Variants in ZFPM2 observed in about 807,000 individuals in gnomAD.
ZFPM2 encodes zinc finger protein ZFPM2.
In ZFPM2, 20 loss-of-function variants were observed where a neutral mutation model predicts 98.6. The ratio of observed to expected loss-of-function variants is 0.20; its 90% CI spans 0.14 to 0.29. The LOEUF (loss-of-function observed/expected upper bound fraction) is 0.29, where lower values mean the gene tolerates loss of function less well. Ranked by LOEUF, ZFPM2 falls within the 10% of genes least tolerant of loss-of-function variation. ZFPM2 has a pLI of 1.00. For synonymous variants in ZFPM2, 518 were observed against 502.7 expected (o/e 1.03, Z -0.41); for missense variants, 1,310 against 1,388.6 (o/e 0.94, Z 0.90).
At chr8:105,543,232 T>G (rs1276970297) in intron 3 of ZFPM2, among the ~76,000 whole-genome samples, 1 of 152,186 alleles carries the variant, frequency 6.6e-6, no homozygotes, top group Admixed American at 6.5e-5. Flanking sequence ...ACTCCTGTAA[T>G]CCCAGCATTT....
chr8:105,415,447 G>A (rs559612351), intron 1 of ZFPM2, among the ~76,000 whole-genome samples: 4 of 152,124 alleles, frequency 2.6e-5, no homozygotes, highest in East Asian at 3.9e-4. Flanking sequence ...TCAATCAGAA[G>A]TAATTTTCTC....
intron 3 of ZFPM2, among the ~76,000 whole-genome samples, chr8:105,531,424 T>C (rs1489825113): frequency 6.6e-6 from 1 of 152,158 alleles, no homozygotes; most frequent in East Asian, 1.9e-4. Flanking sequence ...ATTTTTGCGC[T>C]CATTATCACA....
At chr8:105,694,909 A>G (rs1275083015) in intron 5 of ZFPM2, among the ~76,000 whole-genome samples, 4 of 152,166 alleles carry the variant, frequency 2.6e-5, no homozygotes, top group Admixed American at 2.0e-4. Flanking sequence ...AACAATAATG[A>G]CTGTTATTGA....
intron 6 of ZFPM2, chr8:105,798,041 CAG>C (rs1236220178): frequency 2.6e-5 from 4 of 152,194 alleles, no homozygotes; most frequent in Non-Finnish European, 4.4e-5. Flanking sequence ...AAAATGGTGT[CAG>C]GGGTTGACAT....
At chr8:105,651,935 C>G (rs958816502) in intron 5 of ZFPM2, among the ~76,000 whole-genome samples, 3 of 152,076 alleles carry the variant, frequency 2.0e-5, no homozygotes, top group Non-Finnish European at 4.4e-5. Flanking sequence ...TTTTAAAATA[C>G]CAGAGAATCT....
At chr8:105,653,491 T>C (rs1223576613) in intron 5 of ZFPM2, among the ~76,000 whole-genome samples, 12 of 152,212 alleles carry the variant, frequency 7.9e-5, no homozygotes, top group Admixed American at 3.3e-4. Context: ...ACTTAACACA[T>C]AATGTGCCAA....
At chr8:105,660,528 G>T (rs1817367646) in intron 5 of ZFPM2, among the ~76,000 whole-genome samples, 1 of 152,160 alleles carries the variant, frequency 6.6e-6, no homozygotes, top group African/African-American at 2.4e-5. Flanking sequence ...AAATGCCTTT[G>T]ACAACAAGCA....
chr8:105,352,825 A>ATGCC (rs920677380), intron 1 of ZFPM2, among the ~76,000 whole-genome samples: 1 of 151,864 alleles, frequency 6.6e-6, no homozygotes, highest in African/African-American at 2.4e-5. Context: ...CCTTATCTGT[A>ATGCC]TGCCTGCCTG....
chr8:105,575,927 C>T (rs1352810407), intron 4 of ZFPM2, among the ~76,000 whole-genome samples: 2 of 152,064 alleles, frequency 1.3e-5, no homozygotes, highest in East Asian at 3.9e-4. Context: ...CCTAATGTAC[C>T]TTTGTTATTT....
rs1422775579 is a variant in ZFPM2 at position 105,424,052 on chromosome 8, G to A, written c.199+4750G>A. On this transcript the variant is annotated intron_variant, in intron 2 of 7. Coordinates refer to ENST00000407775, the MANE Select transcript of ZFPM2 (RefSeq NM_012082.4). Reference sequence around the variant, plus strand: ...AGACTACACACTGGGAACAGTGTACGCTGCTCAAGTGATGGGTGCACCAAA... The same window carrying A: ...AGACTACACACTGGGAACAGTGTACACTGCTCAAGTGATGGGTGCACCAAA... Among the ~76,000 whole-genome samples the A allele has an allele frequency of 3.9e-5, 6 of 152,102 alleles. No homozygotes were observed. In the East Asian group the frequency reaches 5.8e-4, roughly 15 times the overall value.
intron 4 of ZFPM2, among the ~76,000 whole-genome samples, chr8:105,571,303 G>A (rs1240753957): frequency 6.6e-6 from 1 of 152,166 alleles, no homozygotes; most frequent in Non-Finnish European, 1.5e-5. Flanking sequence ...GGAAGTGGGT[G>A]GATATATAGC....
chr8:105,432,057 G>C (rs1326859544), intron 2 of ZFPM2, among the ~76,000 whole-genome samples: 1 of 152,114 alleles, frequency 6.6e-6, no homozygotes, highest in Non-Finnish European at 1.5e-5. Context: ...CATGCAAGGA[G>C]AGCAATAGAG....
chr8:105,774,148 T>C (rs1356144292), intron 5 of ZFPM2, among the ~76,000 whole-genome samples: 1 of 152,090 alleles, frequency 6.6e-6, no homozygotes, highest in Non-Finnish European at 1.5e-5. Context: ...ATTAGACCCA[T>C]TGTTCCCCAT....
rs569741753 is a variant in ZFPM2 at position 105,704,983 on chromosome 8, A to T, written c.532+70626A>T. ...CTTAGGCAACCTGGTCAAATGGAGGACAAGATGACAGGATCAAATGATCAT... is the reference window on the plus strand; with the variant it reads ...CTTAGGCAACCTGGTCAAATGGAGGTCAAGATGACAGGATCAAATGATCAT... On this transcript the variant is annotated intron_variant, in intron 5 of 7. Transcript: ENST00000407775. 1.1e-4 allele frequency among the ~76,000 whole-genome samples: 17 copies of T among 152,318 alleles called. No individual in the cohort carries two copies. The South Asian group carries it at 3.5e-3, about 32-fold the overall frequency.
chr8:105,801,803 G>C lies in ZFPM2; in HGVS notation c.1721G>C (p.Arg574Pro). Residue 574 changes from arginine (R) to proline (P), a missense_variant, in exon 8 of 8, where the codon CGA becomes CCA. By Grantham distance (103) the Arg-to-Pro change is moderately radical (BLOSUM62 -2). Coordinates refer to ENST00000407775, the MANE Select transcript of ZFPM2 (RefSeq NM_012082.4). ...LVHKKHYCSS[R>P]WQQMAKSPEF... ...CACAAAAAGCATTATTGCAGCAGCC[G>C]ATGGCAGCAGATGGCTAAGTCCCCA... The C allele has an allele frequency of 6.2e-7, 1 of 1,613,936 alleles. No individual in the cohort carries two copies. The highest frequency in any genetic ancestry group is 8.5e-7 in the Non-Finnish European group (1 of 1,179,880).
intron 3 of ZFPM2, among the ~76,000 whole-genome samples, chr8:105,485,295 T>TG (rs1451957735): frequency 1.4e-5 from 2 of 147,294 alleles, no homozygotes; most frequent in African/African-American, 2.7e-5. Context: ...GCTTGTTTTT[T>TG]TTTGTTTGTT....
chr8:105,706,953 T>TAGTGTAG (rs1406154191), intron 5 of ZFPM2, among the ~76,000 whole-genome samples: 1 of 151,554 alleles, frequency 6.6e-6, no homozygotes. Flanking sequence ...GATTAAAAAG[T>TAGTGTAG]ATTTAGGCTG....
intron 3 of ZFPM2, among the ~76,000 whole-genome samples, chr8:105,532,499 A>G (rs1459941351): frequency 2.0e-5 from 3 of 152,318 alleles, no homozygotes; most frequent in Non-Finnish European, 2.9e-5. Context: ...ATAAGACATG[A>G]TTCTTAATTT....
chr8:105,501,953 T>A (rs1323930794), intron 3 of ZFPM2, among the ~76,000 whole-genome samples: 1 of 152,182 alleles, frequency 6.6e-6, no homozygotes, highest in Admixed American at 6.5e-5. Context: ...ATTCTTTAGA[T>A]GATTTCTGAT....
Sources: allele counts gnomAD v4.1 joint callset (sites outside exome capture counted in the v4.1 genomes callset), GRCh38; gene constraint gnomAD v4.1.1; transcripts MANE v1.5; gene names NCBI Gene and HGNC (gene_info 2026-07-23, HGNC 2026-07-21).